ZNF429: variants seen among roughly 807,000 people sequenced by gnomAD.
The protein encoded by ZNF429 is zinc finger protein 429.
Under a neutral mutation model 56.8 loss-of-function variants are expected in ZNF429, and 53 were observed. The ratio of observed to expected loss-of-function variants is 0.93; its 90% CI spans 0.75 to 1.17. ZNF429 has a LOEUF of 1.17. Among genes scored for constraint, ZNF429 ranks in the 50% most tolerant of loss-of-function variants. The pLI, the probability that ZNF429 is intolerant of heterozygous loss-of-function variation, is 0.00. For missense variants in ZNF429, 849 were observed against 788.4 expected (o/e 1.08, Z -0.92); for synonymous variants, 278 against 264.7 (o/e 1.05, Z -0.49).
chr19:21,536,196 T>G, intron 3 of ZNF429, 84 bp from the exon 4 acceptor site: 8 of 1,389,418 alleles, frequency 5.8e-6, no homozygotes, highest in South Asian at 1.5e-5. Flanking sequence ...TACGTAGTTT[T>G]TATAACTTTA....
At position 21,539,509 on chromosome 19, in the gene ZNF429, AC is replaced by A. The variant is rs1423191276; in HGVS notation, c.*1433del. ...CAATTTCAGCTTGCTGCCAACTTCGACCTTTGGGTTCAAGCAGTTCTCCTGC... is the reference window on the plus strand; with the variant it reads ...CAATTTCAGCTTGCTGCCAACTTCGACTTTGGGTTCAAGCAGTTCTCCTGC... On this transcript the variant is annotated 3_prime_UTR_variant, in exon 4 of 4. Transcript: ENST00000358491. Among the ~76,000 whole-genome samples the A allele has an allele frequency of 2.0e-5, 3 of 151,720 alleles. No homozygotes were observed. The highest frequency in any genetic ancestry group is 2.1e-4 in the South Asian group (1 of 4,806).
Position 21,538,451 on chromosome 19 carries a change from T to A in ZNF429, c.*373T>A, listed in dbSNP as rs2033809605. On this transcript the variant is annotated 3_prime_UTR_variant, in exon 4 of 4. Coordinates refer to ENST00000358491, the MANE Select transcript of ZNF429 (RefSeq NM_001001415.4). ...CCCATCTCTACTAAAAATACAAAAA[T>A]TAGCTGGATGTGGTGGCACATGCCT... Among the ~76,000 whole-genome samples the A allele has an allele frequency of 6.6e-6, 1 of 151,444 alleles. No individual in the cohort carries two copies. The highest frequency in any genetic ancestry group is 1.5e-5 in the Non-Finnish European group (1 of 67,866).
Position 21,505,603 on chromosome 19 carries a change from C to A in ZNF429, c.-169C>A. ...CAGGCACGCAGCTGGAGCGACAGGACGGTTTCCGGAATATGGCGGGGCGTT... is the reference window on the plus strand; with the variant it reads ...CAGGCACGCAGCTGGAGCGACAGGAAGGTTTCCGGAATATGGCGGGGCGTT... On this transcript the variant is annotated 5_prime_UTR_variant, in exon 1 of 4. Coordinates refer to ENST00000358491, the MANE Select transcript of ZNF429 (RefSeq NM_001001415.4). 1.8e-6 allele frequency: 1 copy of A among 563,744 alleles called. No homozygotes were observed. Among genetic ancestry groups the A allele is most frequent in the Non-Finnish European group, 3.1e-6 (1 of 324,798 alleles). 34.9% of individuals were successfully genotyped at this position (563,744 alleles called of 1,614,324 possible). A position where few individuals can be genotyped will look rare whatever the true frequency, so the allele number is the denominator to read the frequency against.
At position 21,539,804 on chromosome 19, in the gene ZNF429, A is replaced by G. The variant is rs1232412972; in HGVS notation, c.*1726A>G. Reference sequence around the variant, plus strand: ...AAATTATGATATAATTCAAGTATCAAATTACTTCATGCTGTTTCATTGTTC... The same window carrying G: ...AAATTATGATATAATTCAAGTATCAGATTACTTCATGCTGTTTCATTGTTC... On this transcript the variant is annotated 3_prime_UTR_variant, in exon 4 of 4. Coordinates refer to ENST00000358491, the MANE Select transcript of ZNF429 (RefSeq NM_001001415.4). Among the ~76,000 whole-genome samples the G allele has an allele frequency of 6.6e-6, 1 of 152,142 alleles. No homozygotes were observed. Among genetic ancestry groups the G allele is most frequent in the Non-Finnish European group, 1.5e-5 (1 of 68,028 alleles).
chr19:21,523,223 T>A (rs888422288), intron 1 of ZNF429, among the ~76,000 whole-genome samples: 9 of 152,290 alleles, frequency 5.9e-5, no homozygotes, highest in African/African-American at 2.2e-4. Flanking sequence ...ACTCCACCTA[T>A]TCAGGACCTA....
chr19:21,535,416 CTTT>C, intron 3 of ZNF429, among the ~76,000 whole-genome samples: 107 of 7,916 alleles, frequency 0.014, 15 homozygotes, highest in East Asian at 0.029. Flanking sequence ...TTTTTCTTTT[CTTT>C]CTTTCTTTCT....
At position 21,537,366 on chromosome 19, in the gene ZNF429, C is replaced by T; in HGVS notation, c.1313C>T (p.Ser438Phe). 1 of 1,613,750 alleles carries T rather than the reference C, an allele frequency of 6.2e-7. No individual in the cohort carries two copies. The highest frequency in any genetic ancestry group is 8.5e-7 in the Non-Finnish European group (1 of 1,179,846). ...EECGKVFTYS[S>F]TLTRHKRIHT... ...TGTGGCAAAGTTTTTACCTATTCCTCTACACTTACTAGACATAAGAGAATT... is the reference window on the plus strand; with the variant it reads ...TGTGGCAAAGTTTTTACCTATTCCTTTACACTTACTAGACATAAGAGAATT... Residue 438 changes from serine (S) to phenylalanine (F), a missense_variant, in exon 4 of 4, where the codon TCT (serine) becomes TTT (phenylalanine). Ser to Phe is a radical substitution (Grantham distance 155). Coordinates refer to ENST00000358491, the MANE Select transcript of ZNF429 (RefSeq NM_001001415.4).
chr19:21,525,209 A>G (rs2145451599), intron 1 of ZNF429, among the ~76,000 whole-genome samples: 1 of 152,210 alleles, frequency 6.6e-6, no homozygotes, highest in East Asian at 1.9e-4. Flanking sequence ...TATTATTTCT[A>G]TTTTTCTTAC....
At position 21,537,034 on chromosome 19, in the gene ZNF429, C is replaced by T. The variant is rs1478758576; in HGVS notation, c.981C>T (p.Thr327=). The change falls in exon 4 of 4, where the codon ACC becomes ACT. Residue 327 remains threonine (T), a synonymous_variant. Transcript: ENST00000358491. ...GCAAAGCCTTTAACCGGTCCTCAAC[C>T]CTTACTAGCCATAAGAGAATACATA... ...ECGKAFNRSS[T]LTSHKRIHTG... 6.2e-7 allele frequency: 1 copy of T among 1,612,900 alleles called. No homozygotes were observed. The highest frequency in any genetic ancestry group is 8.5e-7 in the Non-Finnish European group (1 of 1,179,646).
At chr19:21,514,586 C>G (rs1293523457) in intron 1 of ZNF429, among the ~76,000 whole-genome samples, 1 of 151,830 alleles carries the variant, frequency 6.6e-6, no homozygotes, top group Admixed American at 6.6e-5. Context: ...CACACACACA[C>G]ACATATATAT....
rs1318630176 is a variant in ZNF429 at position 21,539,719 on chromosome 19, C to A, written c.*1641C>A. On this transcript the variant is annotated 3_prime_UTR_variant, in exon 4 of 4. Coordinates refer to ENST00000358491, the MANE Select transcript of ZNF429 (RefSeq NM_001001415.4). The stretch of plus-strand genomic sequence containing the variant: ...GTGCTGGGATTGCAGCCATGAGCCA[C>A]TGCACCCAGCCCAAAGTATGCTTTT... Among the ~76,000 whole-genome samples the A allele has an allele frequency of 6.6e-6, 1 of 152,038 alleles. No individual in the cohort carries two copies. Among genetic ancestry groups the A allele is most frequent in the East Asian group, 1.9e-4 (1 of 5,190 alleles).
chr19:21,535,043 G>C, intron 3 of ZNF429, among the ~76,000 whole-genome samples: 3 of 149,274 alleles, frequency 2.0e-5, no homozygotes, highest in Non-Finnish European at 4.5e-5. Context: ...TAGCCGGGAT[G>C]GTCTCGATCT....
intron 1 of ZNF429, chr19:21,518,999 GAT>G (rs1395723844): frequency 1.5e-5 from 2 of 130,886 alleles, no homozygotes; most frequent in Admixed American, 1.6e-4. Flanking sequence ...TGATGAGAAA[GAT>G]ATATATACTA....
At chr19:21,515,122 G>A (rs765058250) in intron 1 of ZNF429, among the ~76,000 whole-genome samples, 2 of 150,894 alleles carry the variant, frequency 1.3e-5, no homozygotes, top group Non-Finnish European at 2.9e-5. Flanking sequence ...TGTATTTTTA[G>A]TAGAGACAGG....
chr19:21,506,367 A>G (rs1481245155), intron 1 of ZNF429, among the ~76,000 whole-genome samples: 2 of 150,252 alleles, frequency 1.3e-5, no homozygotes, highest in African/African-American at 2.4e-5. Context: ...CTGAGGCACG[A>G]GAATCGCTTA....
intron 1 of ZNF429, among the ~76,000 whole-genome samples, chr19:21,523,625 A>G (rs538682167): frequency 6.6e-6 from 1 of 152,108 alleles, no homozygotes; most frequent in Admixed American, 6.5e-5. Flanking sequence ...CTCACAGACA[A>G]CCTTTTATCA....
At chr19:21,523,179 G>A (rs577981345) in intron 1 of ZNF429, among the ~76,000 whole-genome samples, 5 of 152,236 alleles carry the variant, frequency 3.3e-5, no homozygotes, top group African/African-American at 9.6e-5. Context: ...TTGGTAAACT[G>A]CTCACAAATG....
At chr19:21,512,567 G>A (rs1568412940) in intron 1 of ZNF429, among the ~76,000 whole-genome samples, 2 of 151,000 alleles carry the variant, frequency 1.3e-5, no homozygotes, top group Non-Finnish European at 2.9e-5. Flanking sequence ...GGGAGACAGA[G>A]GCAGGAGAAT....
Position 21,536,276 on chromosome 19 carries a change from T to C in ZNF429, c.227-4T>C. On this transcript the variant is annotated splice_polypyrimidine_tract_variant and splice_region_variant and intron_variant, in intron 3 of 3. Transcript: ENST00000358491. Reference sequence around the variant, plus strand: ...AGTAATTTGTTGTTTTAATTTTATTTTAGTTGTGTGTTCTCATTTTGCTGA... The same window carrying C: ...AGTAATTTGTTGTTTTAATTTTATTCTAGTTGTGTGTTCTCATTTTGCTGA... The C allele has an allele frequency of 6.4e-7, 1 of 1,552,270 alleles. No homozygotes were observed. The highest frequency in any genetic ancestry group is 1.4e-5 in the African/African-American group (1 of 72,274).
Sources: allele counts gnomAD v4.1 joint callset (sites outside exome capture counted in the v4.1 genomes callset), GRCh38; gene constraint gnomAD v4.1.1; transcripts MANE v1.5; gene names NCBI Gene and HGNC (gene_info 2026-07-23, HGNC 2026-07-21).